The following PTPRD variants were observed in gnomAD, a reference collection of about 807,000 sequenced individuals.
The protein encoded by PTPRD is receptor-type tyrosine-protein phosphatase delta.
A neutral mutation model predicts 214.5 loss-of-function variants in PTPRD; 34 were observed. The observed-to-expected ratio is 0.16, with a 90% CI of 0.12 to 0.21. The LOEUF is 0.21. Among genes scored for constraint, PTPRD ranks in the 10% least tolerant of loss-of-function variants. PTPRD has a pLI of 1.00. For synonymous variants in PTPRD, 1,128 were observed against 845.7 expected, an observed-to-expected ratio of 1.33 and a Z score of -5.79; for missense variants, 2,545 against 2,398.7, an observed-to-expected ratio of 1.06 and a Z score of -1.27.
intron 11 of PTPRD, among the ~76,000 whole-genome samples, chr9:8,827,019 T>A (rs2097189625): frequency 6.6e-6 from 1 of 152,018 alleles, no homozygotes; most frequent in Non-Finnish European, 1.5e-5. Flanking sequence ...CAAACTCTAG[T>A]GTCTTTCTAC....
rs549551567 is a variant in PTPRD, at chr9:9,054,030, C to G, written c.-142-35295G>C. ...AATTTTTTCCCTTTAAGATTAAAGT[C>G]AAACAACAATAACAATGATAACAAT... On this transcript the variant is annotated intron_variant, in intron 10 of 45. Transcript: ENST00000381196. Among the ~76,000 whole-genome samples the G allele has an allele frequency of 7.2e-5, 11 of 152,126 alleles. No homozygotes were observed. The East Asian group carries it at 1.9e-3, about 27-fold the overall frequency.
rs1305050964 is a variant in PTPRD, at chr9:10,375,631, G to A, written c.-599-34614C>T. On this transcript the variant is annotated intron_variant, in intron 2 of 45. Transcript: ENST00000381196. ...GTAATTTAAAAACTGGCACATTATT[G>A]CTTTAATAGGAATTGTGAATATTTT... 2.0e-5 allele frequency among the ~76,000 whole-genome samples: 3 copies of A among 151,942 alleles called. No homozygotes were observed. In the East Asian group the frequency reaches 5.8e-4, roughly 29 times the overall value.
At chr9:8,827,228 T>C (rs2097193961) in intron 11 of PTPRD, among the ~76,000 whole-genome samples, 1 of 152,138 alleles carries the variant, frequency 6.6e-6, no homozygotes. Flanking sequence ...CAACTTCTAA[T>C]TCATATTTCA....
At chr9:9,159,075 G>A (rs1464744187) in intron 10 of PTPRD, among the ~76,000 whole-genome samples, 2 of 152,154 alleles carry the variant, frequency 1.3e-5, no homozygotes, top group Non-Finnish European at 2.9e-5. Flanking sequence ...TAAAGGCTAT[G>A]CATGATAAAT....
At chr9:9,637,053 A>T (rs1187636678) in intron 7 of PTPRD, among the ~76,000 whole-genome samples, 1 of 152,186 alleles carries the variant, frequency 6.6e-6, no homozygotes, top group African/African-American at 2.4e-5. Flanking sequence ...ATTCACAAAG[A>T]TAACACTCTC....
intron 11 of PTPRD, among the ~76,000 whole-genome samples, chr9:8,801,870 T>C (rs1291269166): frequency 6.6e-6 from 1 of 152,172 alleles, no homozygotes; most frequent in Non-Finnish European, 1.5e-5. Context: ...CACAGTTATT[T>C]GCATACTGTA....
intron 8 of PTPRD, among the ~76,000 whole-genome samples, chr9:9,511,235 C>A (rs756403311): frequency 1.3e-4 from 20 of 151,546 alleles, no homozygotes; most frequent in Non-Finnish European, 2.7e-4. Context: ...TTTATAAATA[C>A]CCTCATCCTC....
At chr9:8,491,997 T>C (rs1591886020) in intron 27 of PTPRD, among the ~76,000 whole-genome samples, 2 of 152,256 alleles carry the variant, frequency 1.3e-5, no homozygotes, top group Non-Finnish European at 2.9e-5. Flanking sequence ...TTACTCATTC[T>C]ACAATGCCAG....
intron 11 of PTPRD, among the ~76,000 whole-genome samples, chr9:8,742,732 G>A (rs1415689893): frequency 2.0e-5 from 3 of 152,172 alleles, no homozygotes; most frequent in African/African-American, 7.2e-5. Flanking sequence ...TAAGAATAAA[G>A]TGAAGGACCT....
intron 39 of PTPRD, among the ~76,000 whole-genome samples, chr9:8,351,449 T>A: frequency 1.3e-5 from 2 of 151,486 alleles, no homozygotes. Flanking sequence ...AATAATGGAA[T>A]TAAGAAGAAA....
At chr9:8,934,451 TTA>T (rs1375625713) in intron 11 of PTPRD, among the ~76,000 whole-genome samples, 6 of 13,696 alleles carry the variant, frequency 4.4e-4, no homozygotes, top group South Asian at 4.4e-3. Flanking sequence ...ATATATAAAT[TTA>T]TATATATATA....
At chr9:9,434,714 T>C (rs1022771365) in intron 8 of PTPRD, among the ~76,000 whole-genome samples, 1 of 151,908 alleles carries the variant, frequency 6.6e-6, no homozygotes, top group African/African-American at 2.4e-5. Flanking sequence ...GAAATATATG[T>C]ATATACAACA....
chr9:8,559,410 T>C (rs2085274598), intron 14 of PTPRD, among the ~76,000 whole-genome samples: 1 of 152,224 alleles, frequency 6.6e-6, no homozygotes, highest in Admixed American at 6.5e-5. Context: ...GTTCATATTG[T>C]ATCATGTGCA....
At chr9:8,526,711 T>C in intron 16 of PTPRD, 67 bp from the exon 17 acceptor site, 1 of 1,295,316 alleles carries the variant, frequency 7.7e-7, no homozygotes, top group Non-Finnish European at 1.1e-6. Context: ...AGAAGGAGGC[T>C]AGGGCTGGGG....
intron 11 of PTPRD, among the ~76,000 whole-genome samples, chr9:8,738,766 C>A (rs1272154515): frequency 8.7e-6 from 1 of 115,228 alleles, no homozygotes; most frequent in Non-Finnish European, 2.0e-5. Context: ...AAGAATTAAG[C>A]ATTAAAAAAA....
rs185947733 is a variant in PTPRD, at chr9:8,528,222, T to C, written c.541+369A>G. ...ATTGGATCTCCTTGCAAGTTCTGAA[T>C]GAAGTCCAATGTTGAAATAAATTTG... On this transcript the variant is annotated intron_variant, in intron 15 of 45. Transcript: ENST00000381196. 8 of 421,810 alleles carry C rather than the reference T, an allele frequency of 1.9e-5. No individual in the cohort carries two copies. In the East Asian group the frequency reaches 2.8e-4, roughly 15 times the overall value. 26.1% of individuals were successfully genotyped at this position (421,810 alleles called of 1,614,324 possible).
At chr9:9,422,075 G>A (rs965006940) in intron 8 of PTPRD, among the ~76,000 whole-genome samples, 3 of 152,080 alleles carry the variant, frequency 2.0e-5, no homozygotes, top group African/African-American at 7.2e-5. Flanking sequence ...TCACATATTT[G>A]AGAATATCTG....
intron 10 of PTPRD, among the ~76,000 whole-genome samples, chr9:9,109,548 C>T (rs1315813091): frequency 3.3e-5 from 5 of 151,962 alleles, no homozygotes; most frequent in Admixed American, 2.0e-4. Flanking sequence ...CGAATAGTGG[C>T]CATCAATATA....
chr9:10,285,067 G>A (rs1039984004), intron 3 of PTPRD, among the ~76,000 whole-genome samples: 1 of 151,932 alleles, frequency 6.6e-6, no homozygotes, highest in African/African-American at 2.4e-5. Flanking sequence ...CTGCTTACTG[G>A]AACTAAAAAT....
Sources: gnomAD v4.1 joint callset for allele counts (sites outside exome capture counted in the v4.1 genomes callset) on GRCh38, gnomAD v4.1.1 for gene constraint, MANE v1.5 for transcripts, NCBI Gene and HGNC (gene_info 2026-07-23, HGNC 2026-07-21) for gene names.